GCNT4: variants seen among roughly 807,000 people sequenced by gnomAD.
GCNT4 encodes glucosaminyl (N-acetyl) transferase 4.
In GCNT4, 17 loss-of-function variants were observed where a neutral mutation model predicts 31.3. The ratio of observed to expected loss-of-function variants is 0.54; its 90% CI spans 0.37 to 0.81. The LOEUF is 0.81. GCNT4 is among the 40% of genes least tolerant of loss of function. The pLI is 0.00. For synonymous variants in GCNT4, 158 were observed against 190.6 expected (o/e 0.83, Z 1.41); for missense variants, 503 against 525.5 (o/e 0.96, Z 0.42).
upstream of GCNT4, among the ~76,000 whole-genome samples, chr5:75,053,984 T>C (rs1316677296): frequency 6.6e-6 from 1 of 152,060 alleles, no homozygotes; most frequent in Non-Finnish European, 1.5e-5. Context: ...AACGCCGGGC[T>C]CTGCGGAGGC....
upstream of GCNT4, among the ~76,000 whole-genome samples, chr5:75,053,922 C>T (rs1373413891): frequency 1.3e-5 from 2 of 152,168 alleles, no homozygotes; most frequent in South Asian, 2.1e-4. Flanking sequence ...CAAAGTCGCT[C>T]ACAAGGCAGT....
chr5:75,039,594 C>G (rs571612566), intron 3 of GCNT4, among the ~76,000 whole-genome samples: 3 of 152,294 alleles, frequency 2.0e-5, no homozygotes, highest in African/African-American at 7.2e-5. Flanking sequence ...AACTATGGTC[C>G]AATTTCAGAG....
At chr5:75,023,014 T>C (rs1233822457), downstream of GCNT4, among the ~76,000 whole-genome samples, 2 of 152,106 alleles carry the variant, frequency 1.3e-5, no homozygotes, top group African/African-American at 4.8e-5. Context: ...ACCCCATAGT[T>C]GAAAGGGAAG....
rs1303558307 is a variant in GCNT4, at chr5:75,027,337, A to ATATATATTCAT, written c.*1338_*1339insATGAATATATA. ...GTATATATAATATATATTCATATAC[A>ATATATATTCAT]ATATATGTATATATAATATATATAT... On this transcript the variant is annotated 3_prime_UTR_variant, in exon 4 of 4. Coordinates refer to ENST00000652361, the MANE Select transcript of GCNT4 (RefSeq NM_001366737.1). 1 of 48,022 alleles carries ATATATATTCAT rather than the reference A, an allele frequency of 2.1e-5. No individual in the cohort carries two copies. Among genetic ancestry groups the ATATATATTCAT allele is most frequent in the African/African-American group, 7.6e-5 (1 of 13,244 alleles). The allele number at this position is 48,022 out of a possible 1,614,324, so 3.0% of individuals were successfully genotyped here.
At chr5:75,033,673 A>ATTT (rs772607869) in intron 3 of GCNT4, among the ~76,000 whole-genome samples, 17 of 145,462 alleles carry the variant, frequency 1.2e-4, no homozygotes, top group African/African-American at 3.0e-4. Context: ...TTATTTATTT[A>ATTT]TTTTTTTTTT....
In GCNT4 at chr5:75,027,313, TATATATA is replaced by T. The variant is rs1742967290; in HGVS notation, c.*1356_*1362del. On this transcript the variant is annotated 3_prime_UTR_variant, in exon 4 of 4. Coordinates refer to ENST00000652361, the MANE Select transcript of GCNT4 (RefSeq NM_001366737.1). ...ATATTTATATATATATAATTATATG[TATATATA>T]ATATATATTCATATACAATATATGT... 3.6e-5 allele frequency: 2 copies of T among 56,080 alleles called. No individual in the cohort carries two copies. Among genetic ancestry groups the T allele is most frequent in the South Asian group, 1.0e-3 (2 of 1,982 alleles). The allele number at this position is 56,080 out of a possible 1,614,324, so 3.5% of individuals were successfully genotyped here.
At chr5:75,032,792 C>T (rs1308585624) in intron 3 of GCNT4, among the ~76,000 whole-genome samples, 2 of 152,016 alleles carry the variant, frequency 1.3e-5, no homozygotes, top group African/African-American at 4.8e-5. Context: ...CAAGGCAACT[C>T]ACTGCAACTC....
At chr5:75,041,290 A>G (rs1743312299) in intron 3 of GCNT4, among the ~76,000 whole-genome samples, 2 of 152,136 alleles carry the variant, frequency 1.3e-5, no homozygotes, top group Admixed American at 1.3e-4. Context: ...TGTCATTCAG[A>G]TCACACATCA....
At chr5:75,018,559 TC>T in the GCNT4 span, among the ~76,000 whole-genome samples, 7 of 151,842 alleles carry the variant, frequency 4.6e-5, no homozygotes, top group Non-Finnish European at 7.4e-5. Context: ...GACCTCGTGA[TC>T]CCCCCCAAAG....
rs1561373153 is a variant in GCNT4, at chr5:75,029,777, ACT to A, written c.259_260del (p.Leu88GlyfsTer9). ...YEQEPLEIGK[S>X]LEIRRRDIID... ...TGATGTCCCTTCTTCTTATTTCCAG[ACT>A]CTTTCCAATTTCCAAAGGCTCCTGT... On this transcript the variant is annotated frameshift_variant, in exon 4 of 4. Transcript: ENST00000652361. LOFTEE classifies it high-confidence loss of function. 6.2e-7 allele frequency: 1 copy of A among 1,613,862 alleles called. No individual in the cohort carries two copies. The highest frequency in any genetic ancestry group is 1.1e-5 in the South Asian group (1 of 91,072).
chr5:75,033,066 C>T (rs1317205026), intron 3 of GCNT4, among the ~76,000 whole-genome samples: 1 of 152,186 alleles, frequency 6.6e-6, no homozygotes, highest in Non-Finnish European at 1.5e-5. Context: ...GTTAGCACTT[C>T]CCCCTGACAC....
chr5:75,044,265 C>A (rs973932622), intron 3 of GCNT4, among the ~76,000 whole-genome samples: 1 of 152,004 alleles, frequency 6.6e-6, no homozygotes, highest in African/African-American at 2.4e-5. Context: ...TCTGAGCCAC[C>A]GCCTGAATGT....
At chr5:75,023,548 C>T (rs1742906130), downstream of GCNT4, among the ~76,000 whole-genome samples, 2 of 151,894 alleles carry the variant, frequency 1.3e-5, no homozygotes, top group South Asian at 4.1e-4. Context: ...GTTTACAATT[C>T]AAATGTCCTA....
chr5:75,049,970 C>T (rs1319025713), intron 2 of GCNT4, among the ~76,000 whole-genome samples: 1 of 152,238 alleles, frequency 6.6e-6, no homozygotes, highest in Non-Finnish European at 1.5e-5. Flanking sequence ...GCATAATGCA[C>T]ACAGGCAATC....
At chr5:75,035,545 T>C (rs1743176950) in intron 3 of GCNT4, among the ~76,000 whole-genome samples, 1 of 152,188 alleles carries the variant, frequency 6.6e-6, no homozygotes, top group South Asian at 2.1e-4. Context: ...ATTTAAGCTC[T>C]CTGAAGGCCA....
chr5:75,020,882 T>G (rs893825941), downstream of GCNT4, among the ~76,000 whole-genome samples: 3 of 152,146 alleles, frequency 2.0e-5, no homozygotes, highest in African/African-American at 7.2e-5. Flanking sequence ...ATTGTCAAAA[T>G]ATTGACAATA....
chr5:75,044,895 G>C (rs1356193441), intron 3 of GCNT4, among the ~76,000 whole-genome samples: 1 of 152,126 alleles, frequency 6.6e-6, no homozygotes, highest in Non-Finnish European at 1.5e-5. Context: ...AGGGATAATG[G>C]GGAGAGGGCA....
intron 3 of GCNT4, among the ~76,000 whole-genome samples, chr5:75,035,167 C>T (rs6872010): frequency 6.6e-6 from 1 of 152,174 alleles, no homozygotes; most frequent in African/African-American, 2.4e-5. Flanking sequence ...TGGACACGAC[C>T]GCATTCAGGG....
intron 3 of GCNT4, among the ~76,000 whole-genome samples, chr5:75,043,907 T>C (rs1056415838): frequency 6.6e-6 from 1 of 152,242 alleles, no homozygotes; most frequent in Admixed American, 6.5e-5. Context: ...TCTTAAATGA[T>C]GCTGAACTTC....
Sources: gnomAD v4.1 joint callset for allele counts (sites outside exome capture counted in the v4.1 genomes callset) on GRCh38, gnomAD v4.1.1 for gene constraint, MANE v1.5 for transcripts, NCBI Gene and HGNC (gene_info 2026-07-23, HGNC 2026-07-21) for gene names.